Variants in ZNF175 observed in about 807,000 individuals in gnomAD.
ZNF175 encodes the protein zinc finger protein 175.
Under a neutral mutation model 14.0 loss-of-function variants are expected in ZNF175, and 8 were observed. The ratio of observed to expected loss-of-function variants is 0.57; its 90% CI spans 0.34 to 1.03. ZNF175 has a LOEUF of 1.03. Among genes scored for constraint, ZNF175 ranks in the 50% least tolerant of loss-of-function variants. ZNF175 has a pLI of 0.03. For synonymous variants in ZNF175, 255 were observed against 296.8 expected (o/e 0.86, Z 1.45); for missense variants, 764 against 849.5 (o/e 0.90, Z 1.25).
At position 51,588,272 on chromosome 19, in the gene ZNF175, CTG is replaced by C. The variant is rs754609533; in HGVS notation, c.1944_1945del (p.Cys648TrpfsTer6). 17 of 1,613,364 alleles carry C rather than the reference CTG, an allele frequency of 1.1e-5. No individual in the cohort carries two copies. Among genetic ancestry groups the C allele is most frequent in the East Asian group, 2.2e-5 (1 of 44,828 alleles). ...MGEKPYECLD[C>X]GKSFSKKPQL... ...GAGAGAAACCCTATGAATGCCTTGA[CTG>C]TGGGAAATCGTTCAGTAAGAAACCA... On this transcript the variant is annotated frameshift_variant, in exon 5 of 5. Coordinates refer to ENST00000262259, the MANE Select transcript of ZNF175 (RefSeq NM_007147.4). LOFTEE classifies it low-confidence loss of function (END_TRUNC).
At position 51,581,537 on chromosome 19, in the gene ZNF175, G is replaced by A; in HGVS notation, c.199+20G>A. ...CAGTGGGTGAGCACAACTGACCTGG[G>A]AATCTTGGCTGGATCCTGTTGAGGA... On this transcript the variant is annotated intron_variant, in intron 3 of 4. Transcript: ENST00000262259. The A allele has an allele frequency of 6.2e-7, 1 of 1,602,576 alleles. No individual in the cohort carries two copies. Among genetic ancestry groups the A allele is most frequent in the Non-Finnish European group, 8.5e-7 (1 of 1,172,978 alleles).
Position 51,588,419 on chromosome 19 carries a change from CA to C in ZNF175, c.2091del (p.Lys697AsnfsTer9), listed in dbSNP as rs771076483. On this transcript the variant is annotated frameshift_variant, in exon 5 of 5. Transcript: ENST00000262259. LOFTEE classifies it low-confidence loss of function (END_TRUNC). ...AACACCAAACAACTCATACCAGAGA[CA>C]AATCTTACAAATGCAGTTATTCTGT... ...NKHQTTHTRD[K>X]SYKCSYSVKG... is the part of the protein sequence containing the mutation. 6.3e-7 allele frequency: 1 copy of C among 1,592,202 alleles called. No individual in the cohort carries two copies. The highest frequency in any genetic ancestry group is 1.1e-5 in the South Asian group (1 of 87,268).
Position 51,590,211 on chromosome 19 carries a change from AT to A in ZNF175, c.*1746del, listed in dbSNP as rs2122582215. The A allele has an allele frequency of 6.6e-6, 1 of 152,506 alleles. No individual in the cohort carries two copies. The highest frequency in any genetic ancestry group is 2.4e-5 in the African/African-American group (1 of 41,530). 9.4% of individuals were successfully genotyped at this position (152,506 alleles called of 1,614,324 possible). ...CCCAGGAGCCAGGTTCCTGCATTTG[AT>A]TCCTGGCTCCACTCTCTACCCTCTG... On this transcript the variant is annotated 3_prime_UTR_variant, in exon 5 of 5. Transcript: ENST00000262259.
At position 51,591,360 on chromosome 19, in the gene ZNF175, G is replaced by C. The variant is rs952603166; in HGVS notation, c.*2893G>C. ...AATCTGGAGTTTGGTTGGGTGATTA[G>C]CTTTGGAATTGATGGGTCCCAGGGA... On this transcript the variant is annotated 3_prime_UTR_variant, in exon 5 of 5. Transcript: ENST00000262259. The C allele has an allele frequency of 2.0e-5, 3 of 152,318 alleles. No homozygotes were observed. The highest frequency in any genetic ancestry group is 1.3e-4 in the Admixed American group (2 of 15,284). The allele number at this position is 152,318 out of a possible 1,614,324, so 9.4% of individuals were successfully genotyped here. A position where few individuals can be genotyped will look rare whatever the true frequency, so the allele number is the denominator to read the frequency against.
At chr19:51,580,717 G>A (rs1477972764) in intron 2 of ZNF175, among the ~76,000 whole-genome samples, 1 of 152,178 alleles carries the variant, frequency 6.6e-6, no homozygotes, top group East Asian at 1.9e-4. Context: ...ACATGACATA[G>A]TCGCCTCTTA....
At position 51,591,790 on chromosome 19, in the gene ZNF175, G is replaced by A. The variant is rs557103122; in HGVS notation, c.*3323G>A. 17 of 145,790 alleles carry A rather than the reference G, an allele frequency of 1.2e-4. No individual in the cohort carries two copies. In the East Asian group the frequency reaches 2.2e-3, roughly 19 times the overall value. 9.0% of individuals were successfully genotyped at this position (145,790 alleles called of 1,614,324 possible). ...CTTTTTTTTTTTTTTCTTGTGAGAT[G>A]GAGTCTCGCTCTGTCGCCCAGGCTC... On this transcript the variant is annotated 3_prime_UTR_variant, in exon 5 of 5. Coordinates refer to ENST00000262259, the MANE Select transcript of ZNF175 (RefSeq NM_007147.4).
Position 51,587,014 on chromosome 19 carries a change from G to T in ZNF175, c.683G>T (p.Gly228Val). 2 of 1,614,176 alleles carry T rather than the reference G, an allele frequency of 1.2e-6. No individual in the cohort carries two copies. Among genetic ancestry groups the T allele is most frequent in the African/African-American group, 1.3e-5 (1 of 75,036 alleles). The change falls in exon 5 of 5, where the codon GGG becomes GTG. Residue 228 changes from glycine (G) to valine (V), a missense_variant. Gly to Val is a moderately radical substitution (Grantham distance 109, BLOSUM62 -3). Coordinates refer to ENST00000262259, the MANE Select transcript of ZNF175 (RefSeq NM_007147.4). ...ACAGAACAGCTTGATGACGTTGTTG[G>T]GTCTGGTCAGCTATTCAGCCATAGC... ...NDTEQLDDVV[G>V]SGQLFSHSSS...
intron 4 of ZNF175, among the ~76,000 whole-genome samples, chr19:51,585,701 G>C (rs1367671228): frequency 6.6e-6 from 1 of 152,062 alleles, no homozygotes. Context: ...GCTGTGTTTT[G>C]TGCAGTATAC....
rs190606982 is a variant in ZNF175, at chr19:51,575,292, C to T, written c.72+1891C>T. Among the ~76,000 whole-genome samples the T allele has an allele frequency of 2.3e-3, 336 of 144,842 alleles. 4 individuals are homozygous for T. Among genetic ancestry groups the T allele is most frequent in the Middle Eastern group, 0.014 (4 of 276 alleles). ...AGTGCAGTGGCGCAATCTCTGCTCA[C>T]TGCAAGCTGCACCTCCCGGGTTAAC... is the stretch of plus-strand genomic sequence containing the variant. On this transcript the variant is annotated intron_variant, in intron 2 of 4. Transcript: ENST00000262259.
intron 2 of ZNF175, among the ~76,000 whole-genome samples, chr19:51,574,612 T>C (rs1435268545): frequency 6.6e-6 from 1 of 152,160 alleles, no homozygotes; most frequent in Admixed American, 6.5e-5. Context: ...AAGGTTGCAG[T>C]GAGCTGCAAT....
chr19:51,588,567 T>G lies in ZNF175; in HGVS notation c.*100T>G. On this transcript the variant is annotated 3_prime_UTR_variant, in exon 5 of 5. Coordinates refer to ENST00000262259, the MANE Select transcript of ZNF175 (RefSeq NM_007147.4). The stretch of plus-strand genomic sequence containing the variant: ...TCAGGTCTAATTATATGTTATTGAA[T>G]TCATGCTTCAGAAAAACTCTAGGGA... 2 of 1,346,424 alleles carry G rather than the reference T, an allele frequency of 1.5e-6. No individual in the cohort carries two copies. The highest frequency in any genetic ancestry group is 2.9e-5 in the Admixed American group (1 of 34,150). The allele number at this position is 1,346,424 out of a possible 1,614,324, so 83.4% of individuals were successfully genotyped here.
intron 2 of ZNF175, 37 bp from the exon 3 acceptor site, chr19:51,581,354 G>GA (rs1981994624): frequency 6.2e-7 from 1 of 1,613,952 alleles, no homozygotes; most frequent in Non-Finnish European, 8.5e-7. Context: ...CGCCAATGAT[G>GA]ACCTAATTCA....
chr19:51,572,240 T>A (rs1981615448), intron 1 of ZNF175, among the ~76,000 whole-genome samples: 1 of 152,182 alleles, frequency 6.6e-6, no homozygotes, highest in Non-Finnish European at 1.5e-5. Flanking sequence ...GCCATGTCAG[T>A]GACTGGGAGG....
At chr19:51,584,048 T>A (rs1982094135) in intron 4 of ZNF175, among the ~76,000 whole-genome samples, 1 of 152,248 alleles carries the variant, frequency 6.6e-6, no homozygotes, top group South Asian at 2.1e-4. Flanking sequence ...AAATATTTGC[T>A]GAGATAAATT....
intron 2 of ZNF175, among the ~76,000 whole-genome samples, chr19:51,577,543 A>C (rs888729594): frequency 6.6e-6 from 1 of 152,140 alleles, no homozygotes; most frequent in East Asian, 1.9e-4. Context: ...TGATTGAACT[A>C]TCTTACCTAA....
At chr19:51,586,487 G>A (rs1159844662) in intron 4 of ZNF175, 140 bp from the exon 5 acceptor site, 2 of 837,080 alleles carry the variant, frequency 2.4e-6, no homozygotes, top group African/African-American at 1.7e-5. Flanking sequence ...AGGGCTCTGT[G>A]TTTCTGCTCA....
At position 51,587,712 on chromosome 19, in the gene ZNF175, C is replaced by T; in HGVS notation, c.1381C>T (p.His461Tyr). 6.2e-7 allele frequency: 1 copy of T among 1,614,114 alleles called. No homozygotes were observed. The highest frequency in any genetic ancestry group is 8.5e-7 in the Non-Finnish European group (1 of 1,180,020). The change falls in exon 5 of 5, where the codon CAC (histidine) becomes TAC (tyrosine). Residue 461 changes from histidine (H) to tyrosine (Y), a missense_variant. Coordinates refer to ENST00000262259, the MANE Select transcript of ZNF175 (RefSeq NM_007147.4). ...ECGQAFIQKAHLIVHQRSHTG... is the reference protein window; with the variant it reads ...ECGQAFIQKAYLIVHQRSHTG... ...CGGGCAGGCCTTCATCCAGAAGGCA[C>T]ACCTGATTGTCCATCAAAGAAGCCA...
chr19:51,583,528 T>C (rs1288694293), intron 4 of ZNF175, among the ~76,000 whole-genome samples: 1 of 152,204 alleles, frequency 6.6e-6, no homozygotes, highest in Non-Finnish European at 1.5e-5. Context: ...CCAGTGGTAT[T>C]ACAACAAACT....
intron 4 of ZNF175, among the ~76,000 whole-genome samples, chr19:51,584,813 C>T (rs1441471793): frequency 6.6e-6 from 1 of 151,754 alleles, no homozygotes; most frequent in Admixed American, 6.6e-5. Flanking sequence ...AGAATGGCTA[C>T]AATTAAAAAA....
Sources: allele counts gnomAD v4.1 joint callset (sites outside exome capture counted in the v4.1 genomes callset), GRCh38; gene constraint gnomAD v4.1.1; transcripts MANE v1.5; gene names NCBI Gene and HGNC (gene_info 2026-07-23, HGNC 2026-07-21).